The following GABRG1 variants were observed in gnomAD, a reference collection of about 807,000 sequenced individuals.
GABRG1 encodes gamma-aminobutyric acid receptor subunit gamma-1.
In GABRG1, 49 loss-of-function variants were observed where a neutral mutation model predicts 49.8. The ratio of observed to expected loss-of-function variants is 0.98; its 90% confidence interval spans 0.78 to 1.25. GABRG1 has a LOEUF of 1.25. GABRG1 is among the 50% of genes most tolerant of loss of function. The pLI is 0.00. For synonymous variants in GABRG1, 232 were observed against 185.1 expected, an observed-to-expected ratio of 1.25 and a Z score of -2.06; for missense variants, 552 against 552.3, an observed-to-expected ratio of 1.00 and a Z score of 0.01.
chr4:46,091,915 TA>T (rs1477740617), intron 2 of GABRG1, among the ~76,000 whole-genome samples: 3 of 152,030 alleles, frequency 2.0e-5, no homozygotes, highest in Non-Finnish European at 4.4e-5. Context: ...AAGAAAATGT[TA>T]AAATTGTCCA....
intron 7 of GABRG1, among the ~76,000 whole-genome samples, chr4:46,056,835 A>G (rs1055926514): frequency 6.6e-6 from 1 of 152,096 alleles, no homozygotes; most frequent in African/African-American, 2.4e-5. Flanking sequence ...TACAAGAGAT[A>G]TTTGTCAAGT....
intron 5 of GABRG1, among the ~76,000 whole-genome samples, chr4:46,062,773 T>C (rs1718752406): frequency 6.6e-6 from 1 of 152,066 alleles, no homozygotes; most frequent in Non-Finnish European, 1.5e-5. Flanking sequence ...AAAACCCCAT[T>C]GTCTCAGCCC....
At chr4:46,063,950 C>A (rs1478436771) in intron 5 of GABRG1, among the ~76,000 whole-genome samples, 1 of 152,080 alleles carries the variant, frequency 6.6e-6, no homozygotes, top group Non-Finnish European at 1.5e-5. Flanking sequence ...TTAATTAAAT[C>A]AACTTATTTC....
intron 1 of GABRG1, among the ~76,000 whole-genome samples, chr4:46,097,854 G>A (rs1037761231): frequency 2.0e-5 from 3 of 151,692 alleles, no homozygotes; most frequent in African/African-American, 7.2e-5. Context: ...AGGAAAACAT[G>A]TTTGTTGTAC....
At position 46,123,882 on chromosome 4, in the gene GABRG1, G is replaced by A. The variant is rs193920916; in HGVS notation, c.32C>T (p.Pro11Leu). The A allele has an allele frequency of 3.1e-6, 5 of 1,613,658 alleles. No individual in the cohort carries two copies. The highest frequency in any genetic ancestry group is 2.7e-5 in the African/African-American group (2 of 75,006). Residue 11 changes from proline (P) to leucine (L), a missense_variant, in exon 1 of 9, where the codon CCT becomes CTT. Transcript: ENST00000295452. MGPLKAFLFS[P>L]FLLRSQSRGV... is the part of the protein sequence containing the mutation. Reference sequence around the variant, plus strand: ...TCTACTTTGACTCCGCAGAAGAAAAGGGGAGAAGAGAAAAGCTTTCAAAGG... The same window carrying A: ...TCTACTTTGACTCCGCAGAAGAAAAAGGGAGAAGAGAAAAGCTTTCAAAGG...
chr4:46,049,919 G>A (rs147562956), intron 8 of GABRG1, among the ~76,000 whole-genome samples: 1,537 of 151,904 alleles, frequency 0.01, 15 homozygotes, highest in Middle Eastern at 0.017. Context: ...ATTAGAGAAT[G>A]GATGTGAGAT....
At chr4:46,053,470 C>T (rs530168734) in intron 7 of GABRG1, among the ~76,000 whole-genome samples, 1 of 151,826 alleles carries the variant, frequency 6.6e-6, no homozygotes, top group Non-Finnish European at 1.5e-5. Flanking sequence ...TCCCTTACAG[C>T]TTTTACTTCA....
intron 5 of GABRG1, among the ~76,000 whole-genome samples, chr4:46,064,123 G>A (rs923114082): frequency 6.6e-6 from 1 of 151,848 alleles, no homozygotes; most frequent in Admixed American, 6.6e-5. Flanking sequence ...ACCTTTTCTT[G>A]GGGACTGTGT....
At chr4:46,105,346 C>T (rs769206264) in intron 1 of GABRG1, among the ~76,000 whole-genome samples, 27 of 151,342 alleles carry the variant, frequency 1.8e-4, no homozygotes, top group Non-Finnish European at 2.2e-4. Context: ...ATGAAGCAAA[C>T]GTCAGTTTGC....
intron 1 of GABRG1, among the ~76,000 whole-genome samples, chr4:46,108,767 G>A (rs1720635725): frequency 6.6e-6 from 1 of 150,990 alleles, no homozygotes. Context: ...TTTTATAAGT[G>A]AAGATCACTC....
Position 46,097,310 on chromosome 4 carries a change from C to G in GABRG1, c.144G>C (p.Thr48=). 6.2e-7 allele frequency: 1 copy of G among 1,609,250 alleles called. No individual in the cohort carries two copies. The highest frequency in any genetic ancestry group is 1.3e-5 in the African/African-American group (1 of 74,560). Residue 48 remains threonine, a synonymous_variant, in exon 2 of 9, where the codon ACG becomes ACC. Coordinates refer to ENST00000295452, the MANE Select transcript of GABRG1 (RefSeq NM_173536.4). ...GGGCCAAGACCCAGGTTTTGTTCAC[C>G]GTTAAATCCTCATCATCTTCATCAT... ...KADDEDDEDL[T]VNKTWVLAPK...
intron 3 of GABRG1, among the ~76,000 whole-genome samples, chr4:46,072,367 G>C (rs942957406): frequency 2.0e-5 from 3 of 152,028 alleles, no homozygotes; most frequent in Non-Finnish European, 4.4e-5. Flanking sequence ...CCATAGCCTG[G>C]CTAAGTTGAC....
At chr4:46,048,951 G>T (rs886188429) in intron 8 of GABRG1, among the ~76,000 whole-genome samples, 3 of 151,872 alleles carry the variant, frequency 2.0e-5, no homozygotes, top group Non-Finnish European at 2.9e-5. Flanking sequence ...GTCAGGAAAA[G>T]GATTTTAATT....
intron 1 of GABRG1, among the ~76,000 whole-genome samples, chr4:46,102,976 C>A (rs1720429436): frequency 6.6e-6 from 1 of 151,260 alleles, no homozygotes; most frequent in South Asian, 2.1e-4. Flanking sequence ...TGAGGTTTGC[C>A]AAGGAAAATC....
Position 46,036,973 on chromosome 4 carries a change from C to T in GABRG1, c.*4015G>A, listed in dbSNP as rs1302257352. ...TATGGAATTTTCATTTGTGCCCAGG[C>T]TTCTGTTTCTTTTTTCAAGCTGTTT... On this transcript the variant is annotated 3_prime_UTR_variant, in exon 9 of 9. Coordinates refer to ENST00000295452, the MANE Select transcript of GABRG1 (RefSeq NM_173536.4). 6.6e-6 allele frequency: 1 copy of T among 151,702 alleles called. No homozygotes were observed. Among genetic ancestry groups the T allele is most frequent in the Admixed American group, 6.6e-5 (1 of 15,164 alleles). 9.4% of individuals were successfully genotyped at this position (151,702 alleles called of 1,614,324 possible).
At chr4:46,056,541 T>C (rs990362811) in intron 7 of GABRG1, among the ~76,000 whole-genome samples, 1 of 152,144 alleles carries the variant, frequency 6.6e-6, no homozygotes, top group Non-Finnish European at 1.5e-5. Flanking sequence ...ACATTGATTT[T>C]GCTATCTCTT....
intron 1 of GABRG1, among the ~76,000 whole-genome samples, chr4:46,104,523 A>G (rs1485358940): frequency 6.6e-6 from 1 of 151,542 alleles, no homozygotes; most frequent in African/African-American, 2.4e-5. Context: ...GCCATAATAC[A>G]TTATTACGTG....
chr4:46,066,251 A>G (rs188101711), intron 3 of GABRG1, among the ~76,000 whole-genome samples: 25 of 152,286 alleles, frequency 1.6e-4, no homozygotes, highest in African/African-American at 5.8e-4. Flanking sequence ...AAGAAACTAG[A>G]CGCAAAAAAC....
chr4:46,074,376 C>G (rs1236843411), intron 3 of GABRG1, among the ~76,000 whole-genome samples: 1 of 152,066 alleles, frequency 6.6e-6, no homozygotes, highest in Non-Finnish European at 1.5e-5. Flanking sequence ...TTACTGTTGT[C>G]CACAGTCCAG....
Sources: allele counts gnomAD v4.1 joint callset (sites outside exome capture counted in the v4.1 genomes callset), GRCh38; gene constraint gnomAD v4.1.1; transcripts MANE v1.5; gene names NCBI Gene and HGNC (gene_info 2026-07-23, HGNC 2026-07-21).